Variants in TTBK2 observed in about 807,000 individuals in gnomAD.
TTBK2 encodes tau-tubulin kinase 2.
In TTBK2, 28 loss-of-function variants were observed where a neutral mutation model predicts 110.8. That is an observed-to-expected ratio of 0.25 (90% CI 0.19 to 0.35). The LOEUF is 0.35. Among genes scored for constraint, TTBK2 ranks in the 10% least tolerant of loss-of-function variants. The probability of loss-of-function intolerance (pLI) is 1.00; values close to 1 mark genes in which losing one functional copy is unlikely to be tolerated. For missense variants in TTBK2, 1,369 were observed against 1,500.3 expected, an observed-to-expected ratio of 0.91 and a Z score of 1.45; for synonymous variants, 532 against 527.3, an observed-to-expected ratio of 1.01 and a Z score of -0.12.
intron 7 of TTBK2, among the ~76,000 whole-genome samples, chr15:42,815,751 G>A (rs558438255): frequency 6.7e-6 from 1 of 149,840 alleles, no homozygotes; most frequent in Non-Finnish European, 1.5e-5. Context: ...ACATATTACA[G>A]ATAAAATGAT....
chr15:42,797,780 C>G (rs1891008314), intron 9 of TTBK2, among the ~76,000 whole-genome samples: 1 of 151,954 alleles, frequency 6.6e-6, no homozygotes, highest in Non-Finnish European at 1.5e-5. Flanking sequence ...ATAGTATATA[C>G]AGTATATGTA....
chr15:42,816,943 T>A (rs572914908), intron 7 of TTBK2, 89 bp downstream of exon 7: 221 of 437,128 alleles, frequency 5.1e-4, no homozygotes, highest in African/African-American at 5.0e-3. Context: ...TATATATATA[T>A]ATAAAATAAT....
rs567972612 is a variant in TTBK2, at chr15:42,766,446, C to CAAAAAAAAAAAAAAAA, written c.1998+8673_1998+8688dup. Among the ~76,000 whole-genome samples, 106 of 30,834 alleles carry CAAAAAAAAAAAAAAAA rather than the reference C, an allele frequency of 3.4e-3. 15 individuals are homozygous for CAAAAAAAAAAAAAAAA. The highest frequency in any genetic ancestry group is 0.011 in the African/African-American group (34 of 3,076). The allele number at this position is 30,834 out of a possible 152,430, so 20.2% of individuals were successfully genotyped here. A position where few individuals can be genotyped will look rare whatever the true frequency, so the allele number is the denominator to read the frequency against. ...GAAGATCTACCAAGCGAATGGAAAG[C>CAAAAAAAAAAAAAAAA]AAAAAAAAAAAAAAAAAAAAAGCAA... On this transcript the variant is annotated intron_variant, in intron 13 of 14. Transcript: ENST00000267890.
At chr15:42,833,168 A>G (rs1046485739) in intron 4 of TTBK2, among the ~76,000 whole-genome samples, 1 of 151,548 alleles carries the variant, frequency 6.6e-6, no homozygotes, top group African/African-American at 2.4e-5. Context: ...TATCTATGTA[A>G]CAAACCTTCA....
rs1490347590 is a variant in TTBK2, at chr15:42,777,162, G to A, written c.1278C>T (p.Val426=). The change falls in exon 12 of 15, where the codon GTC becomes GTT. Residue 426 remains valine, a synonymous_variant. Transcript: ENST00000267890. ...NAPSLGSPIR[V]RSEITQPDRD... ...TGTCTGGCTGAGTAATCTCTGAGCG[G>A]ACACGAATTGGTGACCCAAGGCTTG... 6.2e-7 allele frequency: 1 copy of A among 1,614,168 alleles called. No homozygotes were observed. The highest frequency in any genetic ancestry group is 8.5e-7 in the Non-Finnish European group (1 of 1,180,042).
chr15:42,756,754 C>G (rs1443849337), intron 13 of TTBK2, among the ~76,000 whole-genome samples: 1 of 151,494 alleles, frequency 6.6e-6, no homozygotes, highest in Non-Finnish European at 1.5e-5. Flanking sequence ...ATATATGACC[C>G]AAGCATGGTG....
At chr15:42,769,866 A>G (rs375943173) in intron 13 of TTBK2, among the ~76,000 whole-genome samples, 3 of 152,200 alleles carry the variant, frequency 2.0e-5, no homozygotes, top group African/African-American at 7.2e-5. Flanking sequence ...ATGTCCATCA[A>G]TGATAGACTG....
At position 42,785,115 on chromosome 15, in the gene TTBK2, ATTTTT is replaced by A. The variant is rs199963873; in HGVS notation, c.981-1485_981-1481del. Among the ~76,000 whole-genome samples the A allele has an allele frequency of 6.0e-3, 618 of 102,156 alleles. 10 individuals are homozygous for A. Among genetic ancestry groups the A allele is most frequent in the Middle Eastern group, 9.7e-3 (2 of 206 alleles). 67.0% of individuals were successfully genotyped at this position (102,156 alleles called of 152,430 possible). ...ATGTGTATTACTTTTTCACTTGCAG[ATTTTT>A]TTTTTTTTTTTTTTTTTGAGACAGA... On this transcript the variant is annotated intron_variant, in intron 10 of 14. Coordinates refer to ENST00000267890, the MANE Select transcript of TTBK2 (RefSeq NM_173500.4).
chr15:42,822,899 T>C (rs915012212), intron 6 of TTBK2, among the ~76,000 whole-genome samples: 2 of 152,112 alleles, frequency 1.3e-5, no homozygotes, highest in African/African-American at 4.8e-5. Flanking sequence ...GAATGTATGT[T>C]AGAGATGGGA....
At chr15:42,880,348 A>G (rs1266924409) in intron 1 of TTBK2, among the ~76,000 whole-genome samples, 1 of 152,188 alleles carries the variant, frequency 6.6e-6, no homozygotes, top group Non-Finnish European at 1.5e-5. Flanking sequence ...CCTGAACTCC[A>G]TAATTCCTCA....
chr15:42,897,979 C>T (rs149372889), intron 1 of TTBK2, among the ~76,000 whole-genome samples: 3 of 151,844 alleles, frequency 2.0e-5, no homozygotes, highest in Non-Finnish European at 4.4e-5. Flanking sequence ...CCATTGAGCC[C>T]AAGAGTTTGA....
chr15:42,794,532 C>T lies in TTBK2; in HGVS notation c.980+112G>A, dbSNP rs1233277015. ...ATGTTAATTCGAGGAGATCCACAGG[C>T]TTTCCCGGATGTCTTAGCATTTGGT... On this transcript the variant is annotated intron_variant, in intron 10 of 14. Coordinates refer to ENST00000267890, the MANE Select transcript of TTBK2 (RefSeq NM_173500.4). The T allele has an allele frequency of 1.3e-5, 19 of 1,456,630 alleles. No individual in the cohort carries two copies. In the East Asian group the frequency reaches 3.9e-4, roughly 30 times the overall value. The allele number at this position is 1,456,630 out of a possible 1,614,324, so 90.2% of individuals were successfully genotyped here.
chr15:42,878,572 G>C lies in TTBK2; in HGVS notation c.46C>G (p.Leu16Val), dbSNP rs765522751. The change falls in exon 2 of 15, where the codon CTA becomes GTA. Residue 16 changes from leucine (L) to valine (V), a missense_variant. By Grantham distance (32) the Leu-to-Val change is conservative. Transcript: ENST00000267890. Reference protein sequence around the residue: ...EQLDILSVGILVKERWKVLRK... With the variant: ...EQLDILSVGIVVKERWKVLRK... Reference sequence around the variant, plus strand: ...ACCACTTTCCATCTTTCTTTCACTAGGATTCCAACACTCAGGATATCCAGC... The same window carrying C: ...ACCACTTTCCATCTTTCTTTCACTACGATTCCAACACTCAGGATATCCAGC... The C allele has an allele frequency of 6.2e-7, 1 of 1,611,620 alleles. No individual in the cohort carries two copies. Among genetic ancestry groups the C allele is most frequent in the East Asian group, 2.2e-5 (1 of 44,776 alleles).
At chr15:42,826,400 AT>A (rs1222304352) in intron 6 of TTBK2, among the ~76,000 whole-genome samples, 1 of 152,222 alleles carries the variant, frequency 6.6e-6, no homozygotes, top group East Asian at 1.9e-4. Flanking sequence ...CATTTACGAT[AT>A]TGACAGAGTG....
intron 3 of TTBK2, among the ~76,000 whole-genome samples, chr15:42,859,248 A>C (rs2141074817): frequency 6.6e-6 from 1 of 152,202 alleles, no homozygotes; most frequent in Admixed American, 6.5e-5. Flanking sequence ...CTGGGACTAC[A>C]GGTGCACACC....
chr15:42,901,542 G>A (rs954277088), intron 1 of TTBK2, among the ~76,000 whole-genome samples: 5 of 151,706 alleles, frequency 3.3e-5, no homozygotes, highest in Non-Finnish European at 5.9e-5. Context: ...AGCTACTTGG[G>A]AGGCTGAGGT....
intron 9 of TTBK2, among the ~76,000 whole-genome samples, chr15:42,799,186 G>A (rs141670828): frequency 6.4e-4 from 98 of 152,106 alleles, no homozygotes; most frequent in Non-Finnish European, 1.1e-3. Context: ...TCACTAACGT[G>A]GTGAAACCCC....
rs753296317 is a variant in TTBK2 at position 42,743,730 on chromosome 15, A to C, written c.*2065T>G. 2 of 152,168 alleles carry C rather than the reference A, an allele frequency of 1.3e-5. No homozygotes were observed. Among genetic ancestry groups the C allele is most frequent in the African/African-American group, 4.8e-5 (2 of 41,458 alleles). 9.4% of individuals were successfully genotyped at this position (152,168 alleles called of 1,614,324 possible). The stretch of plus-strand genomic sequence containing the variant: ...GTCCCTGTAATTTTTTCCCTATTAA[A>C]ATCTTTTTGAAATGAAAATTAAATA... On this transcript the variant is annotated 3_prime_UTR_variant, in exon 15 of 15. Transcript: ENST00000267890.
intron 1 of TTBK2, among the ~76,000 whole-genome samples, chr15:42,902,986 C>CAAAA (rs34312217): frequency 5.6e-5 from 4 of 71,316 alleles, no homozygotes; most frequent in Non-Finnish European, 6.0e-5. Flanking sequence ...CTCTGTTTCT[C>CAAAA]AAAAAAAAAA....
Sources: gnomAD v4.1 joint callset for allele counts (sites outside exome capture counted in the v4.1 genomes callset) on GRCh38, gnomAD v4.1.1 for gene constraint, MANE v1.5 for transcripts, NCBI Gene and HGNC (gene_info 2026-07-23, HGNC 2026-07-21) for gene names.